The following LMBR1 variants were observed in gnomAD, a reference collection of about 807,000 sequenced individuals.
LMBR1 encodes the protein limb region 1 protein homolog.
In LMBR1, 52 loss-of-function variants were observed where a neutral mutation model predicts 73.9. That is an observed-to-expected ratio of 0.70 (90% CI 0.56 to 0.89). The LOEUF (loss-of-function observed/expected upper bound fraction) is 0.89, where lower values mean the gene tolerates loss of function less well. Ranked by LOEUF, LMBR1 falls within the 40% of genes least tolerant of loss-of-function variation. The probability of loss-of-function intolerance (pLI) is 0.00; values close to 1 mark genes in which losing one functional copy is unlikely to be tolerated. For missense variants in LMBR1, 539 were observed against 579.8 expected (o/e 0.93, Z 0.72); for synonymous variants, 215 against 209.4 (o/e 1.03, Z -0.23).
chr7:156,752,536 C>T (rs370470986), intron 9 of LMBR1, among the ~76,000 whole-genome samples: 196 of 152,220 alleles, frequency 1.3e-3, no homozygotes, highest in African/African-American at 4.5e-3. Flanking sequence ...GGCACACAGA[C>T]AATTCAGCCA....
chr7:156,708,053 C>G (rs923470731), intron 15 of LMBR1, among the ~76,000 whole-genome samples: 3 of 149,624 alleles, frequency 2.0e-5, no homozygotes. Flanking sequence ...AAAAAAACTA[C>G]TATCTAGCTG....
At chr7:156,742,697 A>T (rs1242557057) in intron 9 of LMBR1, among the ~76,000 whole-genome samples, 1 of 152,190 alleles carries the variant, frequency 6.6e-6, no homozygotes, top group Non-Finnish European at 1.5e-5. Context: ...AAAAGAACTA[A>T]TACCAATCCT....
At chr7:156,772,344 G>C (rs1366397655) in intron 5 of LMBR1, among the ~76,000 whole-genome samples, 1 of 152,142 alleles carries the variant, frequency 6.6e-6, no homozygotes, top group Non-Finnish European at 1.5e-5. Flanking sequence ...ATCCCTTCAT[G>C]TTAAAAACTC....
At chr7:156,785,863 C>A (rs561262598) in intron 5 of LMBR1, among the ~76,000 whole-genome samples, 2 of 152,284 alleles carry the variant, frequency 1.3e-5, no homozygotes, top group South Asian at 2.1e-4. Flanking sequence ...ACAACACACA[C>A]TTTTTAGCAT....
intron 4 of LMBR1, among the ~76,000 whole-genome samples, chr7:156,809,515 C>A (rs1038934375): frequency 3.3e-5 from 5 of 152,184 alleles, no homozygotes; most frequent in Non-Finnish European, 4.4e-5. Context: ...ACTTACAATA[C>A]CTAATACAGT....
chr7:156,760,671 A>C (rs917576889), intron 8 of LMBR1, among the ~76,000 whole-genome samples: 3 of 152,268 alleles, frequency 2.0e-5, no homozygotes. Context: ...TGTGTGGTAC[A>C]CAAGTGTGTA....
At chr7:156,830,816 T>C (rs1836548277) in intron 3 of LMBR1, among the ~76,000 whole-genome samples, 1 of 152,180 alleles carries the variant, frequency 6.6e-6, no homozygotes, top group Non-Finnish European at 1.5e-5. Context: ...GTCTTTCAGG[T>C]GGGGCTCCCT....
At chr7:156,750,162 C>A (rs1372941964) in intron 9 of LMBR1, among the ~76,000 whole-genome samples, 1 of 152,118 alleles carries the variant, frequency 6.6e-6, no homozygotes, top group East Asian at 1.9e-4. Context: ...AAAATAATTT[C>A]TCTTCATTAT....
At chr7:156,887,356 G>A (rs778795083) in intron 1 of LMBR1, among the ~76,000 whole-genome samples, 13 of 151,702 alleles carry the variant, frequency 8.6e-5, no homozygotes, top group South Asian at 2.1e-4. Flanking sequence ...CCAGCTACTC[G>A]GGAGGCTGAG....
intron 1 of LMBR1, among the ~76,000 whole-genome samples, chr7:156,863,995 CAAA>C (rs202073027): frequency 6.6e-6 from 1 of 150,528 alleles, no homozygotes; most frequent in African/African-American, 2.4e-5. Flanking sequence ...ACTAAAAATA[CAAA>C]AAAAAATTAG....
At chr7:156,859,581 AC>A (rs534416914) in intron 1 of LMBR1, among the ~76,000 whole-genome samples, 8,572 of 150,070 alleles carry the variant, frequency 0.057, 327 homozygotes, top group African/African-American at 0.11. Flanking sequence ...AAAAAAAAAA[AC>A]CACCATTTAC....
In LMBR1 at chr7:156,682,217, G is replaced by C. The variant is rs2131834601; in HGVS notation, c.*1861C>G. 6.6e-6 allele frequency: 1 copy of C among 152,320 alleles called. No individual in the cohort carries two copies. Among genetic ancestry groups the C allele is most frequent in the Non-Finnish European group, 1.5e-5 (1 of 68,026 alleles). 9.4% of individuals were successfully genotyped at this position (152,320 alleles called of 1,614,324 possible). ...AAAAAGTTGAGCTAAACACTGAAAA[G>C]TTTAGTATTTTACTTAAAAATTTTC... On this transcript the variant is annotated 3_prime_UTR_variant, in exon 17 of 17. Transcript: ENST00000353442.
At chr7:156,805,215 C>CTTTTTTTTTTTT (rs58044015) in intron 4 of LMBR1, among the ~76,000 whole-genome samples, 7 of 122,778 alleles carry the variant, frequency 5.7e-5, no homozygotes, top group Non-Finnish European at 1.0e-4. Flanking sequence ...ACATCATGCA[C>CTTTTTTTTTTTT]TTTTTTTTTT....
intron 5 of LMBR1, among the ~76,000 whole-genome samples, chr7:156,775,380 A>G (rs1825939383): frequency 6.6e-6 from 1 of 152,230 alleles, no homozygotes; most frequent in African/African-American, 2.4e-5. Flanking sequence ...AAATAAAAAT[A>G]AAAAATGAAG....
chr7:156,888,997 T>C (rs1464818006), intron 1 of LMBR1, among the ~76,000 whole-genome samples: 1 of 151,240 alleles, frequency 6.6e-6, no homozygotes, highest in African/African-American at 2.4e-5. Context: ...GAGGTTGCAA[T>C]GAGCCGAGAT....
chr7:156,820,063 A>G (rs1834514819), intron 4 of LMBR1, among the ~76,000 whole-genome samples: 1 of 152,174 alleles, frequency 6.6e-6, no homozygotes, highest in South Asian at 2.1e-4. Flanking sequence ...GGGGATTCCC[A>G]CTACACCCCC....
At chr7:156,747,785 A>C (rs1051294924) in intron 9 of LMBR1, 14 of 152,230 alleles carry the variant, frequency 9.2e-5, no homozygotes, top group African/African-American at 3.4e-4. Flanking sequence ...AGTGATCTCT[A>C]TCACAAAGAA....
At chr7:156,879,830 G>A (rs1167622590) in intron 1 of LMBR1, among the ~76,000 whole-genome samples, 2 of 152,124 alleles carry the variant, frequency 1.3e-5, no homozygotes, top group East Asian at 3.8e-4. Context: ...AAGAATGGCT[G>A]TAATCACAAA....
At chr7:156,805,215 C>CTTTTTTTTTTTTT (rs58044015) in intron 4 of LMBR1, among the ~76,000 whole-genome samples, 1 of 122,778 alleles carries the variant, frequency 8.1e-6, no homozygotes, top group Non-Finnish European at 1.7e-5. Flanking sequence ...ACATCATGCA[C>CTTTTTTTTTTTTT]TTTTTTTTTT....
Sources: gnomAD v4.1 joint callset for allele counts (sites outside exome capture counted in the v4.1 genomes callset) on GRCh38, gnomAD v4.1.1 for gene constraint, MANE v1.5 for transcripts, NCBI Gene and HGNC (gene_info 2026-07-23, HGNC 2026-07-21) for gene names.